The following HERC4 variants were observed in gnomAD, a reference collection of about 807,000 sequenced individuals.
HERC4 encodes HECT and RLD domain containing E3 ubiquitin protein ligase 4, also known as probable E3 ubiquitin-protein ligase HERC4.
Under a neutral mutation model 124.3 loss-of-function variants are expected in HERC4, and 28 were observed. The ratio of observed to expected loss-of-function variants is 0.23; its 90% CI spans 0.17 to 0.31. The LOEUF (loss-of-function observed/expected upper bound fraction) is 0.31, where lower values mean the gene tolerates loss of function less well. Ranked by LOEUF, HERC4 falls within the 10% of genes least tolerant of loss-of-function variation. The probability of loss-of-function intolerance (pLI) is 1.00; values close to 1 mark genes in which losing one functional copy is unlikely to be tolerated. For missense variants in HERC4, 713 were observed against 1,229.3 expected, an observed-to-expected ratio of 0.58 and a Z score of 6.28; for synonymous variants, 407 against 421.5, an observed-to-expected ratio of 0.97 and a Z score of 0.42.
rs1476983341 is a variant in HERC4, at chr10:67,991,210, T to G, written c.1272-11A>C. On this transcript the variant is annotated splice_polypyrimidine_tract_variant and intron_variant, in intron 11 of 24. Transcript: ENST00000373700. ...GTTCCATCTATCTCACTAAAAAATTTAAAAAAGTTTTTTTAATCATAGAAT... is the reference window on the plus strand; with the variant it reads ...GTTCCATCTATCTCACTAAAAAATTGAAAAAAGTTTTTTTAATCATAGAAT... 6.7e-7 allele frequency: 1 copy of G among 1,490,190 alleles called. No individual in the cohort carries two copies. Among genetic ancestry groups the G allele is most frequent in the East Asian group, 2.3e-5 (1 of 43,118 alleles). The allele number at this position is 1,490,190 out of a possible 1,614,324, so 92.3% of individuals were successfully genotyped here. A position where few individuals can be genotyped will look rare whatever the true frequency, so the allele number is the denominator to read the frequency against.
intron 16 of HERC4, among the ~76,000 whole-genome samples, chr10:67,963,735 G>C (rs1444017175): frequency 6.6e-6 from 1 of 152,160 alleles, no homozygotes; most frequent in Non-Finnish European, 1.5e-5. Context: ...ACCCTGGTTG[G>C]TGTGTGAGGG....
At chr10:68,057,750 A>G (rs1471485325) in intron 3 of HERC4, among the ~76,000 whole-genome samples, 1 of 151,654 alleles carries the variant, frequency 6.6e-6, no homozygotes, top group South Asian at 2.1e-4. Context: ...TCTGTTGCCC[A>G]GGATAGAGTG....
At chr10:68,060,044 T>C (rs760628986) in intron 3 of HERC4, among the ~76,000 whole-genome samples, 12 of 148,016 alleles carry the variant, frequency 8.1e-5, no homozygotes, top group Admixed American at 5.0e-4. Flanking sequence ...AATTTCAACT[T>C]TGGCAGAATT....
chr10:68,055,476 C>G (rs1006712059), intron 3 of HERC4, among the ~76,000 whole-genome samples: 1 of 151,848 alleles, frequency 6.6e-6, no homozygotes, highest in African/African-American at 2.4e-5. Flanking sequence ...AAGTTCATAC[C>G]CCTTTTATAT....
At chr10:68,066,031 A>G (rs953579764) in intron 3 of HERC4, among the ~76,000 whole-genome samples, 2 of 152,126 alleles carry the variant, frequency 1.3e-5, no homozygotes, top group Admixed American at 1.3e-4. Flanking sequence ...CCATGAGCTC[A>G]TTAATATAGT....
intron 3 of HERC4, chr10:68,069,410 CATACAT>C: frequency 1.0e-6 from 1 of 985,182 alleles, no homozygotes; most frequent in Non-Finnish European, 1.2e-6. Flanking sequence ...TAGAAAAGGA[CATACAT>C]ATACAAGACA....
chr10:67,948,622 C>T lies in HERC4; in HGVS notation c.2337+5973G>A, dbSNP rs562311815. 4.7e-4 allele frequency among the ~76,000 whole-genome samples: 71 copies of T among 152,174 alleles called. No individual in the cohort carries two copies. In the Middle Eastern group the frequency reaches 0.014, roughly 29 times the overall value. ...CTATGGAAAACAGTGTGGAGATTCCCTAAAGAACTAAAAGTAGGCCAGGCA... is the reference window on the plus strand; with the variant it reads ...CTATGGAAAACAGTGTGGAGATTCCTTAAAGAACTAAAAGTAGGCCAGGCA... On this transcript the variant is annotated intron_variant, in intron 19 of 24. Coordinates refer to ENST00000373700, the MANE Select transcript of HERC4 (RefSeq NM_015601.4).
At chr10:67,941,681 T>C (rs1356398003) in intron 19 of HERC4, among the ~76,000 whole-genome samples, 7 of 140,352 alleles carry the variant, frequency 5.0e-5, no homozygotes, top group Non-Finnish European at 6.3e-5. Flanking sequence ...TTTTTTTTTT[T>C]TTTTTTTTTT....
chr10:68,056,420 C>T (rs1031205534), intron 3 of HERC4, among the ~76,000 whole-genome samples: 1 of 152,094 alleles, frequency 6.6e-6, no homozygotes, highest in African/African-American at 2.4e-5. Context: ...TTAGCAAAGA[C>T]ATGTAAGACA....
intron 3 of HERC4, among the ~76,000 whole-genome samples, chr10:68,046,831 C>T (rs766026736): frequency 2.6e-5 from 4 of 152,004 alleles, no homozygotes; most frequent in Non-Finnish European, 5.9e-5. Flanking sequence ...ATTAGCCAAG[C>T]GTGGTGGCAC....
At chr10:67,944,923 A>G (rs146010482) in intron 19 of HERC4, among the ~76,000 whole-genome samples, 1 of 152,342 alleles carries the variant, frequency 6.6e-6, no homozygotes, top group East Asian at 1.9e-4. Context: ...AAAAGAAAAA[A>G]CAAGAAAGAA....
At chr10:68,003,876 A>T (rs913711768) in intron 9 of HERC4, among the ~76,000 whole-genome samples, 1 of 152,224 alleles carries the variant, frequency 6.6e-6, no homozygotes, top group African/African-American at 2.4e-5. Context: ...GTGTATACCC[A>T]GCAATGGATC....
intron 9 of HERC4, among the ~76,000 whole-genome samples, chr10:67,996,315 A>C (rs72637093): frequency 0.17 from 191 of 1,104 alleles, no homozygotes; most frequent in South Asian, 0.44. Context: ...TGAAATAGAC[A>C]CCCCCCCTGC....
chr10:67,961,212 A>G (rs896523628), intron 16 of HERC4: 1 of 158,682 alleles, frequency 6.3e-6, no homozygotes, highest in Non-Finnish European at 1.4e-5. Context: ...CATCCTCAGT[A>G]GTCAGCTTGA....
At chr10:68,071,475 G>A (rs944253617) in intron 3 of HERC4, among the ~76,000 whole-genome samples, 1 of 152,192 alleles carries the variant, frequency 6.6e-6, no homozygotes, top group Non-Finnish European at 1.5e-5. Context: ...GAGATGTTCA[G>A]TTATTTCTAT....
intron 19 of HERC4, among the ~76,000 whole-genome samples, chr10:67,947,111 A>G (rs911975653): frequency 1.3e-5 from 2 of 152,222 alleles, no homozygotes; most frequent in African/African-American, 2.4e-5. Flanking sequence ...AATCTGCACT[A>G]CAGACCAAAT....
At chr10:68,033,599 A>T (rs938440117) in intron 6 of HERC4, among the ~76,000 whole-genome samples, 1 of 152,238 alleles carries the variant, frequency 6.6e-6, no homozygotes, top group East Asian at 1.9e-4. Flanking sequence ...AATCATTTAA[A>T]TATTTCCTTG....
At chr10:68,040,772 C>T (rs1404553398) in intron 4 of HERC4, among the ~76,000 whole-genome samples, 1 of 151,564 alleles carries the variant, frequency 6.6e-6, no homozygotes, top group East Asian at 1.9e-4. Context: ...GCCTGTAGTC[C>T]CAGCTACTTG....
chr10:67,975,071 C>A (rs2035502579), intron 15 of HERC4, among the ~76,000 whole-genome samples: 1 of 152,108 alleles, frequency 6.6e-6, no homozygotes, highest in South Asian at 2.1e-4. Flanking sequence ...CGCCTGTAGT[C>A]CCAGCTACTT....
Sources: gnomAD v4.1 joint callset for allele counts (sites outside exome capture counted in the v4.1 genomes callset) on GRCh38, gnomAD v4.1.1 for gene constraint, MANE v1.5 for transcripts, NCBI Gene and HGNC (gene_info 2026-07-23, HGNC 2026-07-21) for gene names.